The following LRRC72 variants were observed in gnomAD, a reference collection of about 807,000 sequenced individuals.
The protein encoded by LRRC72 is leucine rich repeat containing 72, also known as leucine-rich repeat-containing protein 72.
Under a neutral mutation model 35.8 loss-of-function variants are expected in LRRC72, and 41 were observed. The observed-to-expected ratio is 1.15, with a 90% CI of 0.89 to 1.49. The LOEUF is 1.49. Ranked by LOEUF, LRRC72 falls within the 40% of genes most tolerant of loss-of-function variation. LRRC72 has a pLI of 0.00. For missense variants in LRRC72, 389 were observed against 330.7 expected, an observed-to-expected ratio of 1.18 and a Z score of -1.37; for synonymous variants, 118 against 119.2, an observed-to-expected ratio of 0.99 and a Z score of 0.07.
intron 3 of LRRC72, among the ~76,000 whole-genome samples, chr7:16,540,025 G>C (rs944044293): frequency 6.6e-6 from 1 of 152,174 alleles, no homozygotes; most frequent in Non-Finnish European, 1.5e-5. Context: ...TGTGAGAAGA[G>C]GGCCATCATC....
intron 7 of LRRC72, among the ~76,000 whole-genome samples, chr7:16,574,203 A>C (rs1782998429): frequency 6.6e-6 from 1 of 152,202 alleles, no homozygotes; most frequent in African/African-American, 2.4e-5. Context: ...CTCTTGGGGC[A>C]GTGTAAATTA....
At chr7:16,554,099 C>T (rs1040317377) in intron 3 of LRRC72, among the ~76,000 whole-genome samples, 6 of 152,136 alleles carry the variant, frequency 3.9e-5, no homozygotes, top group Admixed American at 1.3e-4. Context: ...GAGGCCGAAG[C>T]GGGCAGATTA....
intron 5 of LRRC72, among the ~76,000 whole-genome samples, chr7:16,563,350 G>A (rs1782775113): frequency 6.6e-6 from 1 of 152,118 alleles, no homozygotes; most frequent in African/African-American, 2.4e-5. Flanking sequence ...AGCTTGTGCG[G>A]TAAGGTAGTA....
intron 5 of LRRC72, among the ~76,000 whole-genome samples, chr7:16,560,649 AC>A (rs368817820): frequency 4.8e-4 from 73 of 150,590 alleles, no homozygotes; most frequent in South Asian, 2.9e-3. Context: ...GCTGATAGCT[AC>A]CTCTCAGGGT....
chr7:16,534,230 A>G (rs1039231319), intron 2 of LRRC72, among the ~76,000 whole-genome samples: 1 of 152,166 alleles, frequency 6.6e-6, no homozygotes, highest in Non-Finnish European at 1.5e-5. Flanking sequence ...TTGTAACAAG[A>G]TGTTGATAAT....
At chr7:16,549,872 A>ACGTACT (rs57544178) in intron 3 of LRRC72, among the ~76,000 whole-genome samples, 46,123 of 151,862 alleles carry the variant, frequency 0.3, 7,000 homozygotes, top group East Asian at 0.38. Flanking sequence ...ATAAAAGGAA[A>ACGTACT]TATATCTGCA....
At chr7:16,544,470 T>G (rs1172717391) in intron 3 of LRRC72, among the ~76,000 whole-genome samples, 1 of 152,300 alleles carries the variant, frequency 6.6e-6, no homozygotes, top group Non-Finnish European at 1.5e-5. Flanking sequence ...ACATAATTAG[T>G]GGGAGGCAGC....
intron 7 of LRRC72, among the ~76,000 whole-genome samples, chr7:16,579,497 A>G (rs1276844842): frequency 6.6e-6 from 1 of 152,172 alleles, no homozygotes; most frequent in Non-Finnish European, 1.5e-5. Context: ...AGGGAAATCA[A>G]CAAAGCAGTG....
intron 3 of LRRC72, among the ~76,000 whole-genome samples, chr7:16,542,173 G>A (rs1349984522): frequency 6.6e-6 from 1 of 152,140 alleles, no homozygotes; most frequent in East Asian, 1.9e-4. Context: ...ATATTTCTGG[G>A]AATGGATATC....
At chr7:16,548,129 G>C (rs1232131832) in intron 3 of LRRC72, among the ~76,000 whole-genome samples, 1 of 152,224 alleles carries the variant, frequency 6.6e-6, no homozygotes, top group East Asian at 1.9e-4. Flanking sequence ...GCTGAGAGCT[G>C]GACACTTGTT....
At chr7:16,543,221 G>A (rs1782390215) in intron 3 of LRRC72, among the ~76,000 whole-genome samples, 1 of 152,128 alleles carries the variant, frequency 6.6e-6, no homozygotes. Flanking sequence ...AGGAAACTAT[G>A]CCACTGTAGA....
chr7:16,532,535 A>T lies in LRRC72; in HGVS notation c.131A>T (p.Asp44Val). ...CTAAAGATATGTGGCCACAGGAGGGATGCTGATGTCTTTGAGCTGTTCCTT... is the reference window on the plus strand; with the variant it reads ...CTAAAGATATGTGGCCACAGGAGGGTTGCTGATGTCTTTGAGCTGTTCCTT... The part of the protein sequence containing the change: ...DQLKICGHRR[D>V]ADVFELFLSK... Residue 44 changes from aspartate (D) to valine (V), a missense_variant, in exon 2 of 9, where the codon GAT (aspartate) becomes GTT (valine). Physicochemically the swap from Asp to Val is radical, Grantham distance 152. Coordinates refer to ENST00000401542, the MANE Select transcript of LRRC72 (RefSeq NM_001195280.2). 5 of 1,550,116 alleles carry T rather than the reference A, an allele frequency of 3.2e-6. No individual in the cohort carries two copies. The highest frequency in any genetic ancestry group is 4.4e-6 in the Non-Finnish European group (5 of 1,146,486).
chr7:16,539,927 G>A (rs1329489557), intron 3 of LRRC72, among the ~76,000 whole-genome samples: 1 of 152,228 alleles, frequency 6.6e-6, no homozygotes, highest in African/African-American at 2.4e-5. Context: ...GAGCTCTTAT[G>A]GAGAACCTCC....
At chr7:16,545,649 T>A (rs573836412) in intron 3 of LRRC72, among the ~76,000 whole-genome samples, 1 of 152,194 alleles carries the variant, frequency 6.6e-6, no homozygotes, top group Non-Finnish European at 1.5e-5. Context: ...TGGGCTCTTA[T>A]GTGTTTCTGT....
At chr7:16,576,246 A>T (rs1416704305) in intron 7 of LRRC72, among the ~76,000 whole-genome samples, 2 of 152,188 alleles carry the variant, frequency 1.3e-5, no homozygotes, top group Admixed American at 6.5e-5. Context: ...AAAACGCGCT[A>T]TGTAAATTTT....
At chr7:16,543,264 T>A (rs1227910248) in intron 3 of LRRC72, among the ~76,000 whole-genome samples, 2 of 152,176 alleles carry the variant, frequency 1.3e-5, no homozygotes, top group South Asian at 2.1e-4. Context: ...AACATTGCCC[T>A]GAGATATGAA....
At chr7:16,571,635 G>T (rs1241091652) in intron 7 of LRRC72, among the ~76,000 whole-genome samples, 2 of 152,174 alleles carry the variant, frequency 1.3e-5, no homozygotes, top group Admixed American at 1.3e-4. Context: ...ATGAGGGACT[G>T]TGCCTTGGGG....
intron 7 of LRRC72, among the ~76,000 whole-genome samples, chr7:16,577,567 A>T (rs1783063368): frequency 6.6e-6 from 1 of 152,236 alleles, no homozygotes; most frequent in African/African-American, 2.4e-5. Context: ...TCCCATAAAT[A>T]TGTACAACTA....
At position 16,527,036 on chromosome 7, in the gene LRRC72, T is replaced by C; in HGVS notation, c.84T>C (p.Ser28=). The C allele has an allele frequency of 1.3e-6, 2 of 1,538,136 alleles. No homozygotes were observed. The highest frequency in any genetic ancestry group is 1.7e-6 in the Non-Finnish European group (2 of 1,146,852). Reference sequence around the variant, plus strand: ...CATCCGAAACTGCCCTACAGAGCAGTCGCCGGGTAAGCGGCACCTGCCTTC... The same window carrying C: ...CATCCGAAACTGCCCTACAGAGCAGCCGCCGGGTAAGCGGCACCTGCCTTC... ...RRASETALQS[S]RRAVEDQLKI... The change falls in exon 1 of 9, where the codon AGT becomes AGC. Residue 28 remains serine (S), a synonymous_variant. Coordinates refer to ENST00000401542, the MANE Select transcript of LRRC72 (RefSeq NM_001195280.2).
Sources: gnomAD v4.1 joint callset for allele counts (sites outside exome capture counted in the v4.1 genomes callset) on GRCh38, gnomAD v4.1.1 for gene constraint, MANE v1.5 for transcripts, NCBI Gene and HGNC (gene_info 2026-07-23, HGNC 2026-07-21) for gene names.